ILRUN: variants seen among roughly 807,000 people sequenced by gnomAD.
The protein encoded by ILRUN is protein ILRUN.
Under a neutral mutation model 33.8 loss-of-function variants are expected in ILRUN, and 3 were observed. The ratio of observed to expected loss-of-function variants is 0.09; its 90% confidence interval spans 0.04 to 0.23. ILRUN has a LOEUF of 0.23. Among genes scored for constraint, ILRUN ranks in the 10% least tolerant of loss-of-function variants. The pLI, the probability that ILRUN is intolerant of heterozygous loss-of-function variation, is 1.00. For synonymous variants in ILRUN, 124 were observed against 138.9 expected (o/e 0.89, Z 0.75); for missense variants, 210 against 375.1 (o/e 0.56, Z 3.64).
At chr6:34,629,899 G>C (rs1157587839) in intron 3 of ILRUN, among the ~76,000 whole-genome samples, 2 of 152,228 alleles carry the variant, frequency 1.3e-5, no homozygotes, top group African/African-American at 4.8e-5. Flanking sequence ...TGAAAGTATG[G>C]AAAGTACTAA....
Position 34,646,548 on chromosome 6 carries a change from TA to T in ILRUN, c.511+52del. On this transcript the variant is annotated intron_variant, in intron 3 of 4. Coordinates refer to ENST00000374023, the MANE Select transcript of ILRUN (RefSeq NM_024294.4). The surrounding 1 kb of genome is among the most constrained non-coding windows in gnomAD (Gnocchi z 4.9). ...GCTCTGTGAGCAACACTGGGGATGT[TA>T]TAAGATGTTACCTTAGTTCCTTTAC... The T allele has an allele frequency of 6.4e-7, 1 of 1,569,648 alleles. No individual in the cohort carries two copies. The highest frequency in any genetic ancestry group is 8.7e-7 in the Non-Finnish European group (1 of 1,145,132).
In ILRUN at chr6:34,589,469, C is replaced by G. The variant is rs2744937; in HGVS notation, c.*1096G>C. ...TATTTTCATACCTCTACAGATCAGC[C>G]GCCACTAACAGGCTGTGAAAATATC... On this transcript the variant is annotated 3_prime_UTR_variant, in exon 5 of 5. Coordinates refer to ENST00000374023, the MANE Select transcript of ILRUN (RefSeq NM_024294.4). 6.6e-6 allele frequency: 1 copy of G among 152,132 alleles called. No homozygotes were observed. Among genetic ancestry groups the G allele is most frequent in the Non-Finnish European group, 1.5e-5 (1 of 68,038 alleles). The allele number at this position is 152,132 out of a possible 1,614,324, so 9.4% of individuals were successfully genotyped here.
intron 4 of ILRUN, among the ~76,000 whole-genome samples, chr6:34,600,362 T>C (rs1400383478): frequency 6.6e-6 from 1 of 152,234 alleles, no homozygotes; most frequent in Non-Finnish European, 1.5e-5. Context: ...TTGTACTGGT[T>C]GTCCTCTGCC....
chr6:34,650,869 C>T (rs1317211457), intron 2 of ILRUN, among the ~76,000 whole-genome samples: 1 of 152,126 alleles, frequency 6.6e-6, no homozygotes, highest in African/African-American at 2.4e-5. Context: ...CCCAGCACGC[C>T]TAAAACATGA....
chr6:34,682,602 T>C (rs1171404909), intron 1 of ILRUN, among the ~76,000 whole-genome samples: 3 of 151,868 alleles, frequency 2.0e-5, no homozygotes, highest in Non-Finnish European at 2.9e-5. Context: ...GCCTCCCAAG[T>C]AGCTGGGACT....
At position 34,606,966 on chromosome 6, in the gene ILRUN, C is replaced by A. The variant is rs950146141; in HGVS notation, c.512-62G>T. 3.7e-5 allele frequency: 45 copies of A among 1,208,678 alleles called. No individual in the cohort carries two copies. The African/African-American group carries it at 5.6e-4, about 15-fold the overall frequency. 74.9% of individuals were successfully genotyped at this position (1,208,678 alleles called of 1,614,324 possible). A position where few individuals can be genotyped will look rare whatever the true frequency, so the allele number is the denominator to read the frequency against. On this transcript the variant is annotated intron_variant, in intron 3 of 4. Coordinates refer to ENST00000374023, the MANE Select transcript of ILRUN (RefSeq NM_024294.4). The stretch of plus-strand genomic sequence containing the variant: ...TACCCTTAAAGGCCCAAGATAGCCA[C>A]CACCAAAAACCCCAAACATTATCCA...
chr6:34,661,331 T>A (rs1029206603), intron 1 of ILRUN, among the ~76,000 whole-genome samples: 1 of 152,134 alleles, frequency 6.6e-6, no homozygotes, highest in African/African-American at 2.4e-5. Flanking sequence ...AAATCTTACA[T>A]AAAGAAAGCA....
chr6:34,640,411 T>C (rs1263631713), intron 3 of ILRUN, among the ~76,000 whole-genome samples: 4 of 152,082 alleles, frequency 2.6e-5, no homozygotes, highest in Non-Finnish European at 5.9e-5. Context: ...CTAAGAGTTA[T>C]TATAAAAATA....
At chr6:34,630,717 G>A (rs184218098) in intron 3 of ILRUN, among the ~76,000 whole-genome samples, 2 of 152,208 alleles carry the variant, frequency 1.3e-5, no homozygotes, top group Admixed American at 1.3e-4. Flanking sequence ...GTCTCACTAT[G>A]TTGCCCAGGC....
At chr6:34,612,750 T>C (rs1488095831) in intron 3 of ILRUN, among the ~76,000 whole-genome samples, 1 of 151,886 alleles carries the variant, frequency 6.6e-6, no homozygotes, top group Non-Finnish European at 1.5e-5. Flanking sequence ...CTACTAAAAA[T>C]ACAAAAATTT....
chr6:34,652,376 TGA>T (rs1762688616), intron 2 of ILRUN, among the ~76,000 whole-genome samples: 1 of 152,004 alleles, frequency 6.6e-6, no homozygotes, highest in East Asian at 1.9e-4. Flanking sequence ...AGGGGGCGAA[TGA>T]AATTTTACAA....
intron 1 of ILRUN, among the ~76,000 whole-genome samples, chr6:34,657,521 G>T (rs1762798274): frequency 6.6e-6 from 1 of 152,198 alleles, no homozygotes; most frequent in African/African-American, 2.4e-5. Flanking sequence ...GCCAGAGAAA[G>T]ATTAAGAAAC....
At chr6:34,602,901 G>A (rs1414610634) in intron 4 of ILRUN, among the ~76,000 whole-genome samples, 1 of 152,198 alleles carries the variant, frequency 6.6e-6, no homozygotes, top group Admixed American at 6.5e-5. Context: ...AAGAACAGCT[G>A]GGAAGGACTC....
At chr6:34,635,646 G>A (rs576378740) in intron 3 of ILRUN, among the ~76,000 whole-genome samples, 87 of 123,990 alleles carry the variant, frequency 7.0e-4, no homozygotes, top group African/African-American at 2.6e-3. Context: ...ACACAGTCTT[G>A]CTCTGTTGCC....
intron 3 of ILRUN, among the ~76,000 whole-genome samples, chr6:34,641,804 A>G (rs920269244): frequency 6.6e-6 from 1 of 152,176 alleles, no homozygotes; most frequent in Admixed American, 6.5e-5. Flanking sequence ...TTTTGCTCCA[A>G]GGCTAGTATA....
intron 3 of ILRUN, among the ~76,000 whole-genome samples, chr6:34,626,980 G>A (rs1762149166): frequency 6.6e-6 from 1 of 151,930 alleles, no homozygotes; most frequent in African/African-American, 2.4e-5. Flanking sequence ...ACTCCAGCCT[G>A]GGCAACAGAG....
intron 3 of ILRUN, among the ~76,000 whole-genome samples, chr6:34,633,309 TA>T: frequency 6.6e-6 from 1 of 152,114 alleles, no homozygotes; most frequent in African/African-American, 2.4e-5. Context: ...AGAAAAAAAG[TA>T]ACAACACAAA....
chr6:34,630,495 T>G (rs564034234), intron 3 of ILRUN, among the ~76,000 whole-genome samples: 96 of 152,266 alleles, frequency 6.3e-4, no homozygotes, highest in African/African-American at 2.2e-3. Flanking sequence ...ACGATTCTCC[T>G]GTCTCAGCCT....
intron 1 of ILRUN, among the ~76,000 whole-genome samples, chr6:34,681,716 CTAGA>C (rs765355198): frequency 2.0e-5 from 3 of 151,980 alleles, no homozygotes; most frequent in African/African-American, 2.4e-5. Context: ...GAGCTTACTA[CTAGA>C]TAGTTTACTT....
Sources: allele counts gnomAD v4.1 joint callset (sites outside exome capture counted in the v4.1 genomes callset), GRCh38; gene constraint gnomAD v4.1.1; non-coding constraint Gnocchi (gnomAD v3.1); transcripts MANE v1.5; gene names NCBI Gene and HGNC (gene_info 2026-07-23, HGNC 2026-07-21).